PXDNL: variants seen among roughly 807,000 people sequenced by gnomAD.
PXDNL encodes the protein probable oxidoreductase PXDNL.
In PXDNL, 145 loss-of-function variants were observed where a neutral mutation model predicts 150.8. The ratio of observed to expected loss-of-function variants is 0.96; its 90% CI spans 0.84 to 1.10. The LOEUF (loss-of-function observed/expected upper bound fraction) is 1.10, where lower values mean the gene tolerates loss of function less well. Ranked by LOEUF, PXDNL falls within the 50% of genes least tolerant of loss-of-function variation. The pLI is 0.00. For missense variants in PXDNL, 2,087 were observed against 1,873.9 expected, an observed-to-expected ratio of 1.11 and a Z score of -2.10; for synonymous variants, 757 against 725.7, an observed-to-expected ratio of 1.04 and a Z score of -0.69.
intron 1 of PXDNL, among the ~76,000 whole-genome samples, chr8:51,785,857 A>G (rs1025237933): frequency 2.0e-5 from 3 of 152,224 alleles, no homozygotes; most frequent in African/African-American, 7.2e-5. Context: ...ACTTTAAATC[A>G]AAAGCTAGAA....
intron 1 of PXDNL, among the ~76,000 whole-genome samples, chr8:51,764,518 T>TA (rs2037204521): frequency 6.6e-6 from 1 of 151,954 alleles, no homozygotes; most frequent in African/African-American, 2.4e-5. Flanking sequence ...TCATTCATCT[T>TA]AAAGTATTTT....
At chr8:51,504,434 G>A (rs1166620535) in intron 4 of PXDNL, among the ~76,000 whole-genome samples, 3 of 152,104 alleles carry the variant, frequency 2.0e-5, no homozygotes, top group Non-Finnish European at 2.9e-5. Context: ...CCTGCCTACA[G>A]CAGTCTCTGA....
chr8:51,660,992 G>A (rs1815259495), intron 1 of PXDNL, among the ~76,000 whole-genome samples: 1 of 152,124 alleles, frequency 6.6e-6, no homozygotes, highest in African/African-American at 2.4e-5. Flanking sequence ...GGACACTGTC[G>A]GGACACTGCC....
At chr8:51,649,360 A>T (rs1456337640) in intron 2 of PXDNL, among the ~76,000 whole-genome samples, 1 of 152,172 alleles carries the variant, frequency 6.6e-6, no homozygotes. Flanking sequence ...TTTCCCATTA[A>T]ACGTACTGTG....
At position 51,647,956 on chromosome 8, in the gene PXDNL, A is replaced by G. The variant is rs533515459; in HGVS notation, c.236+6733T>C. Among the ~76,000 whole-genome samples, 11 of 152,256 alleles carry G rather than the reference A, an allele frequency of 7.2e-5. No individual in the cohort carries two copies. In the South Asian group the frequency reaches 2.3e-3, roughly 32 times the overall value. On this transcript the variant is annotated intron_variant, in intron 2 of 22. Coordinates refer to ENST00000356297, the MANE Select transcript of PXDNL (RefSeq NM_144651.5). The stretch of plus-strand genomic sequence containing the variant: ...TCAAGAAAAGCACTGTAAAATATTG[A>G]ATATTTGATTCTTAGATGGTATGAC...
At chr8:51,598,852 G>A (rs1813630883) in intron 2 of PXDNL, among the ~76,000 whole-genome samples, 1 of 152,076 alleles carries the variant, frequency 6.6e-6, no homozygotes, top group South Asian at 2.1e-4. Flanking sequence ...ATTCGGCTGT[G>A]AATCCATTTG....
intron 12 of PXDNL, among the ~76,000 whole-genome samples, chr8:51,437,849 G>C (rs999132961): frequency 6.6e-6 from 1 of 152,140 alleles, no homozygotes; most frequent in Non-Finnish European, 1.5e-5. Flanking sequence ...CCATCCAAAT[G>C]AGTAAAGAGG....
chr8:51,719,471 C>G (rs1383656382), intron 1 of PXDNL, among the ~76,000 whole-genome samples: 1 of 152,068 alleles, frequency 6.6e-6, no homozygotes, highest in African/African-American at 2.4e-5. Flanking sequence ...TCACCACTCC[C>G]TAATCTCAAG....
At chr8:51,383,768 T>C (rs1807616065) in intron 17 of PXDNL, among the ~76,000 whole-genome samples, 1 of 152,328 alleles carries the variant, frequency 6.6e-6, no homozygotes, top group Admixed American at 6.5e-5. Flanking sequence ...TTGCAGACCT[T>C]GAAATGAACT....
chr8:51,652,678 C>T (rs1171302021), intron 2 of PXDNL, among the ~76,000 whole-genome samples: 1 of 152,080 alleles, frequency 6.6e-6, no homozygotes, highest in Non-Finnish European at 1.5e-5. Flanking sequence ...CCTCAATTTC[C>T]TCATCTGTAA....
chr8:51,616,396 G>C (rs569060729), intron 2 of PXDNL, among the ~76,000 whole-genome samples: 1 of 152,120 alleles, frequency 6.6e-6, no homozygotes, highest in South Asian at 2.1e-4. Flanking sequence ...ACTTACCTTC[G>C]AAAGAGATTT....
chr8:51,698,403 C>G (rs1433211631), intron 1 of PXDNL, among the ~76,000 whole-genome samples: 1 of 152,148 alleles, frequency 6.6e-6, no homozygotes. Context: ...AAAGAAGCCA[C>G]TTTTTTTGCT....
At chr8:51,691,556 T>C (rs1318932962) in intron 1 of PXDNL, among the ~76,000 whole-genome samples, 1 of 151,944 alleles carries the variant, frequency 6.6e-6, no homozygotes, top group East Asian at 1.9e-4. Flanking sequence ...TAAGTTTGAC[T>C]TAAGAAAGTT....
chr8:51,437,415 T>C (rs1481594308), intron 12 of PXDNL, among the ~76,000 whole-genome samples: 1 of 152,174 alleles, frequency 6.6e-6, no homozygotes, highest in Non-Finnish European at 1.5e-5. Context: ...ATATCCCTGA[T>C]GAATATAGAT....
chr8:51,430,111 T>G (rs1809215514), intron 12 of PXDNL, among the ~76,000 whole-genome samples: 1 of 152,186 alleles, frequency 6.6e-6, no homozygotes, highest in South Asian at 2.1e-4. Context: ...TTTCACCTCC[T>G]GACACAACAG....
chr8:51,475,698 T>G (rs953082400), intron 6 of PXDNL, among the ~76,000 whole-genome samples: 3 of 152,180 alleles, frequency 2.0e-5, no homozygotes, highest in African/African-American at 7.2e-5. Context: ...TGCATAATGC[T>G]GAGGTTTGCG....
chr8:51,509,747 C>CATATAT (rs767383011), intron 4 of PXDNL, among the ~76,000 whole-genome samples: 2 of 99,112 alleles, frequency 2.0e-5, no homozygotes, highest in African/African-American at 4.3e-5. Flanking sequence ...TATATACACA[C>CATATAT]ACACACACAC....
chr8:51,486,323 A>G (rs1385716695), intron 5 of PXDNL, among the ~76,000 whole-genome samples: 1 of 152,204 alleles, frequency 6.6e-6, no homozygotes, highest in Admixed American at 6.5e-5. Flanking sequence ...TGGTGACAAA[A>G]TATCCAAATT....
chr8:51,786,732 A>G (rs2037463942), intron 1 of PXDNL, among the ~76,000 whole-genome samples: 1 of 152,256 alleles, frequency 6.6e-6, no homozygotes, highest in Non-Finnish European at 1.5e-5. Flanking sequence ...CAAGTTATCC[A>G]GAAGACCTGG....
Sources: allele counts gnomAD v4.1 joint callset (sites outside exome capture counted in the v4.1 genomes callset), GRCh38; gene constraint gnomAD v4.1.1; transcripts MANE v1.5; gene names NCBI Gene and HGNC (gene_info 2026-07-23, HGNC 2026-07-21).